PMIS2: variants seen among roughly 807,000 people sequenced by gnomAD.
PMIS2 encodes transmembrane protein PMIS2.
chr19:35,586,161 G>T lies in PMIS2; in HGVS notation c.-99G>T. On this transcript the variant is annotated 5_prime_UTR_variant, in exon 1 of 2. Transcript: ENST00000646476. Reference sequence around the variant, plus strand: ...CCATTGCGAAGCTTCAGCCTTTGATGGTTTGGGTCCTGGGAGTCTGGTTAG... The same window carrying T: ...CCATTGCGAAGCTTCAGCCTTTGATTGTTTGGGTCCTGGGAGTCTGGTTAG... The T allele has an allele frequency of 2.5e-6, 1 of 398,322 alleles. No homozygotes were observed. The highest frequency in any genetic ancestry group is 1.4e-4 in the South Asian group (1 of 7,372). 24.7% of individuals were successfully genotyped at this position (398,322 alleles called of 1,614,324 possible). A position where few individuals can be genotyped will look rare whatever the true frequency, so the allele number is the denominator to read the frequency against.
exon 2 of PMIS2, chr19:35,587,179 TC>T (rs1297844090): frequency 7.5e-6 from 3 of 398,222 alleles, no homozygotes; most frequent in African/African-American, 6.2e-5. Flanking sequence ...AGGGGTCCGC[TC>T]CCCAACCGAG....
At chr19:35,587,011 AC>A (rs1456877256) in intron 1 of PMIS2, 2 of 398,368 alleles carry the variant, frequency 5.0e-6, no homozygotes, top group East Asian at 7.1e-5. Flanking sequence ...CTATGCTTCC[AC>A]CCCTACAGAC....
chr19:35,586,475 T>C (rs2071780152), exon 1 of PMIS2: 2 of 398,562 alleles, frequency 5.0e-6, no homozygotes. Context: ...ACTACCTATG[T>C]TTGACCATCT....
chr19:35,586,535 T>C (rs2071780309), exon 1 of PMIS2: 1 of 398,496 alleles, frequency 2.5e-6, no homozygotes, highest in African/African-American at 2.1e-5. Flanking sequence ...TGTACTTCTC[T>C]TATGAGGTAA....
At chr19:35,586,442 G>A in exon 1 of PMIS2, 1 of 398,646 alleles carries the variant, frequency 2.5e-6, no homozygotes, top group Non-Finnish European at 4.4e-6. Flanking sequence ...AGACACCAGA[G>A]GAACTAGCAT....
rs145295426 is a variant in PMIS2, at chr19:35,587,176, C to T, written c.*30C>T. ...GTCTAGGCATAGCAACCCAGGGGTC[C>T]GCTCCCCAACCGAGCCACTCACCAA... On this transcript the variant is annotated 3_prime_UTR_variant, in exon 2 of 2. Transcript: ENST00000646476. 388 of 398,422 alleles carry T rather than the reference C, an allele frequency of 9.7e-4. 1 individual carries two copies. The highest frequency in any genetic ancestry group is 6.9e-3 in the African/African-American group (336 of 48,690). 24.7% of individuals were successfully genotyped at this position (398,422 alleles called of 1,614,324 possible).
chr19:35,586,616 G>A (rs1379827180), intron 1 of PMIS2, 75 bp downstream of exon 1: 4 of 368,822 alleles, frequency 1.1e-5, no homozygotes, highest in African/African-American at 2.5e-5. Flanking sequence ...GTCTCACTCT[G>A]TCCCCCAGGC....
exon 1 of PMIS2, chr19:35,586,393 C>T (rs147442310): frequency 5.0e-6 from 2 of 398,938 alleles, no homozygotes; most frequent in East Asian, 3.6e-5. Context: ...GGTCCAGGTG[C>T]CCCAGCTGAG....
At position 35,586,573 on chromosome 19, in the gene PMIS2, CTTTTT is replaced by C. The variant is rs58198918; in HGVS notation, c.282+46_282+50del. ...TAATGCCCAAGTCATAGCCCCCGTC[CTTTTT>C]TTTTTTTTTTTTTCTTTTTGAGACC... On this transcript the variant is annotated intron_variant, in intron 1 of 1. Coordinates refer to ENST00000646476, the Ensembl canonical transcript of PMIS2. 38 of 364,992 alleles carry C rather than the reference CTTTTT, an allele frequency of 1.0e-4. No individual in the cohort carries two copies. The South Asian group carries it at 1.1e-3, about 10-fold the overall frequency. The allele number at this position is 364,992 out of a possible 1,614,324, so 22.6% of individuals were successfully genotyped here. A position where few individuals can be genotyped will look rare whatever the true frequency, so the allele number is the denominator to read the frequency against.
chr19:35,586,206 G>A, exon 1 of PMIS2: 1 of 398,832 alleles, frequency 2.5e-6, no homozygotes, highest in Non-Finnish European at 4.4e-6. Flanking sequence ...AAGCCTAGTG[G>A]GTCTGGCGCT....
In PMIS2 at chr19:35,586,542, G is replaced by T. The variant is rs576133999; in HGVS notation, c.282+1G>T. The T allele has an allele frequency of 1.1e-4, 44 of 396,708 alleles. No individual in the cohort carries two copies. The highest frequency in any genetic ancestry group is 1.6e-4 in the Non-Finnish European group (36 of 225,840). 24.6% of individuals were successfully genotyped at this position (396,708 alleles called of 1,614,324 possible). On this transcript the variant is annotated splice_donor_variant, in intron 1 of 1. Coordinates refer to ENST00000646476, the Ensembl canonical transcript of PMIS2. LOFTEE classifies it high-confidence loss of function. ...GGCAGCTTTGTACTTCTCTTATGAG[G>T]TAAAATAATGCCCAAGTCATAGCCC... is the stretch of plus-strand genomic sequence containing the variant.
At chr19:35,586,407 C>T (rs557451823) in exon 1 of PMIS2, 4 of 398,692 alleles carry the variant, frequency 1.0e-5, no homozygotes, top group Non-Finnish European at 1.3e-5. Flanking sequence ...AGCTGAGGTG[C>T]CCCAGGAGCC....
Position 35,586,558 on chromosome 19 carries a change from G to C in PMIS2, c.282+17G>C. 2 of 393,940 alleles carry C rather than the reference G, an allele frequency of 5.1e-6. No individual in the cohort carries two copies. Among genetic ancestry groups the C allele is most frequent in the Non-Finnish European group, 8.9e-6 (2 of 224,468 alleles). 24.4% of individuals were successfully genotyped at this position (393,940 alleles called of 1,614,324 possible). A position where few individuals can be genotyped will look rare whatever the true frequency, so the allele number is the denominator to read the frequency against. ...TCTTATGAGGTAAAATAATGCCCAA[G>C]TCATAGCCCCCGTCCTTTTTTTTTT... On this transcript the variant is annotated intron_variant, in intron 1 of 1. Transcript: ENST00000646476.
At chr19:35,586,592 C>CTTTTTTTTT (rs2071780740) in intron 1 of PMIS2, 51 bp downstream of exon 1, 1 of 212,876 alleles carries the variant, frequency 4.7e-6, no homozygotes, top group Non-Finnish European at 8.0e-6. Context: ...TTTTTTTTTT[C>CTTTTTTTTT]TTTTTGAGAC....
intron 1 of PMIS2, 82 bp downstream of exon 1, chr19:35,586,623 A>T (rs1416140594): frequency 2.7e-6 from 1 of 368,862 alleles, no homozygotes; most frequent in Non-Finnish European, 4.6e-6. Context: ...TCTGTCCCCC[A>T]GGCTGGAGTG....
intron 1 of PMIS2, among the ~76,000 whole-genome samples, chr19:35,586,752 G>C (rs1378255558): frequency 6.6e-6 from 1 of 151,868 alleles, no homozygotes; most frequent in African/African-American, 2.4e-5. Context: ...GCTCATTTTT[G>C]TATTTTTAGT....
intron 1 of PMIS2, 32 bp downstream of exon 1, chr19:35,586,573 CTT>C (rs58198918): frequency 0.36 from 127,851 of 356,576 alleles, 7,156 homozygotes; most frequent in Middle Eastern, 0.39. Flanking sequence ...AGCCCCCGTC[CTT>C]TTTTTTTTTT....
At position 35,586,858 on chromosome 19, in the gene PMIS2, G is replaced by A. The variant is rs577022426; in HGVS notation, c.283-163G>A. 4.0e-5 allele frequency: 16 copies of A among 397,168 alleles called. No individual in the cohort carries two copies. In the South Asian group the frequency reaches 2.1e-3, roughly 53 times the overall value. The allele number at this position is 397,168 out of a possible 1,614,324, so 24.6% of individuals were successfully genotyped here. On this transcript the variant is annotated intron_variant, in intron 1 of 1. Transcript: ENST00000646476. Reference sequence around the variant, plus strand: ...CTCCCAAAGTGCTGGCATTACAGGCGTGAGCCACTGCACCCAGCCTACCCT... The same window carrying A: ...CTCCCAAAGTGCTGGCATTACAGGCATGAGCCACTGCACCCAGCCTACCCT...
At chr19:35,586,674 G>A (rs969855966) in intron 1 of PMIS2, 133 bp downstream of exon 1, 16 of 391,216 alleles carry the variant, frequency 4.1e-5, no homozygotes, top group Non-Finnish European at 7.2e-5. Flanking sequence ...CTGCCTTCCC[G>A]GTTCCAGCAA....
Sources: gnomAD v4.1 joint callset for allele counts (sites outside exome capture counted in the v4.1 genomes callset) on GRCh38, gnomAD v4.1.1 for gene constraint, MANE v1.5 for transcripts, NCBI Gene and HGNC (gene_info 2026-07-23, HGNC 2026-07-21) for gene names.